RFWD3: variants seen among roughly 807,000 people sequenced by gnomAD.
RFWD3 encodes E3 ubiquitin-protein ligase RFWD3.
Under a neutral mutation model 87.7 loss-of-function variants are expected in RFWD3, and 65 were observed. The observed-to-expected ratio is 0.74, with a 90% CI of 0.61 to 0.91. The LOEUF (loss-of-function observed/expected upper bound fraction) is 0.91. Ranked by LOEUF, RFWD3 falls within the 40% of genes least tolerant of loss-of-function variation. RFWD3 has a pLI of 0.00. For synonymous variants in RFWD3, 433 were observed against 352.8 expected, an observed-to-expected ratio of 1.23 and a Z score of -2.55; for missense variants, 1,078 against 938.5, an observed-to-expected ratio of 1.15 and a Z score of -1.94.
At chr16:74,658,529 A>C (rs569331252) in intron 2 of RFWD3, among the ~76,000 whole-genome samples, 2 of 152,336 alleles carry the variant, frequency 1.3e-5, no homozygotes, top group African/African-American at 2.4e-5. Context: ...TGAGAAATTC[A>C]TCTCAAGAAA....
intron 4 of RFWD3, 38 bp downstream of exon 4, chr16:74,649,094 T>G (rs370237434): frequency 2.2e-6 from 3 of 1,379,870 alleles, no homozygotes; most frequent in Non-Finnish European, 3.0e-6. Flanking sequence ...AATAAATAAA[T>G]AAATAAATAG....
chr16:74,630,708 G>A, intron 10 of RFWD3, 73 bp downstream of exon 10: 1 of 1,359,310 alleles, frequency 7.4e-7, no homozygotes, highest in Non-Finnish European at 9.8e-7. Context: ...AACACCCACT[G>A]AAGAGACGAT....
chr16:74,637,122 T>TAA (rs759556308), intron 7 of RFWD3, among the ~76,000 whole-genome samples: 47,115 of 101,426 alleles, frequency 0.46, 11,039 homozygotes, highest in African/African-American at 0.62. Context: ...TAAAGTCCTT[T>TAA]AAAAAAAAAA....
chr16:74,632,928 A>T (rs1959145642), intron 8 of RFWD3, among the ~76,000 whole-genome samples: 1 of 152,046 alleles, frequency 6.6e-6, no homozygotes, highest in Non-Finnish European at 1.5e-5. Flanking sequence ...CAGCCTCCCA[A>T]AGTGCTGGGA....
Position 74,649,177 on chromosome 16 carries a change from C to T in RFWD3, c.747G>A (p.Glu249=). The stretch of plus-strand genomic sequence containing the variant: ...CTCCATCGATACATGTAACTTCTTG[C>T]TCTGCTGAGACACCTGCTAGTTGCT... ...LEEQLAGVSA[E]QEVTCIDGGK... The change falls in exon 4 of 13, where the codon GAG becomes GAA. Residue 249 remains glutamate, a synonymous_variant. Coordinates refer to ENST00000361070, the MANE Select transcript of RFWD3 (RefSeq NM_018124.4). The T allele has an allele frequency of 6.4e-7, 1 of 1,567,754 alleles. No homozygotes were observed. Among genetic ancestry groups the T allele is most frequent in the East Asian group, 2.4e-5 (1 of 41,632 alleles).
chr16:74,636,494 G>C lies in RFWD3; in HGVS notation c.1278C>G (p.Pro426=), dbSNP rs1244276467. The change falls in exon 8 of 13, where the codon CCC becomes CCG. Residue 426 remains proline, a synonymous_variant. Transcript: ENST00000361070. ...GSQAWVLSCS[P]SSQGQHKHKY... ...TGTGCTTGTGCTGGCCCTGGCTGGA[G>C]GGTGAGCAGCTCAGGACCCATGCTT... The C allele has an allele frequency of 3.1e-6, 5 of 1,614,106 alleles. No individual in the cohort carries two copies. The highest frequency in any genetic ancestry group is 4.2e-6 in the Non-Finnish European group (5 of 1,180,028).
chr16:74,630,440 A>G (rs1160920005), intron 10 of RFWD3, among the ~76,000 whole-genome samples: 2 of 152,232 alleles, frequency 1.3e-5, no homozygotes, highest in Non-Finnish European at 2.9e-5. Context: ...CAGATTTTAC[A>G]GATTAAGCTC....
intron 8 of RFWD3, 60 bp downstream of exon 8, chr16:74,636,286 A>G (rs1959195870): frequency 2.0e-6 from 3 of 1,477,640 alleles, no homozygotes; most frequent in Non-Finnish European, 2.8e-6. Context: ...CCAAAAGGCA[A>G]GGAAATAAAT....
Position 74,624,069 on chromosome 16 carries a change from C to A in RFWD3, c.2184G>T (p.Leu728=), listed in dbSNP as rs778101171. The change falls in exon 13 of 13, where the codon CTG becomes CTT. Residue 728 remains leucine, a splice_region_variant and synonymous_variant. Transcript: ENST00000361070. ...TGDEAANSAL[L]WDAASGSLLQ... ...GCAACGAGCCACTGGCAGCATCCCA[C>A]AGCTAAAGAACACAAGCAGAGGGAA... 2.5e-6 allele frequency: 4 copies of A among 1,613,722 alleles called. No individual in the cohort carries two copies. The South Asian group carries it at 4.4e-5, about 18-fold the overall frequency.
At chr16:74,657,231 G>T (rs986099882) in intron 2 of RFWD3, among the ~76,000 whole-genome samples, 10 of 152,168 alleles carry the variant, frequency 6.6e-5, no homozygotes, top group Admixed American at 3.3e-4. Context: ...ACAGGCAGAT[G>T]CTTTTCACAA....
chr16:74,636,722 T>C, intron 7 of RFWD3, 145 bp from the exon 8 acceptor site: 2 of 685,184 alleles, frequency 2.9e-6, no homozygotes, highest in Non-Finnish European at 4.7e-6. Context: ...GAGTTTTTGT[T>C]TTTTTTTTTA....
intron 6 of RFWD3, among the ~76,000 whole-genome samples, chr16:74,642,298 A>G (rs980696071): frequency 1.3e-5 from 2 of 151,740 alleles, no homozygotes; most frequent in Non-Finnish European, 2.9e-5. Context: ...AATTTTTTGT[A>G]TTTTTAGTAA....
At chr16:74,650,643 G>A (rs921571519) in intron 3 of RFWD3, among the ~76,000 whole-genome samples, 3 of 151,824 alleles carry the variant, frequency 2.0e-5, no homozygotes, top group Admixed American at 6.6e-5. Context: ...CTTTTCTATC[G>A]TTCCTGCTGC....
In RFWD3 at chr16:74,661,317, T is replaced by C. The variant is rs1250699099; in HGVS notation, c.133A>G (p.Ser45Gly). The C allele has an allele frequency of 3.1e-6, 5 of 1,613,916 alleles. No individual in the cohort carries two copies. Among genetic ancestry groups the C allele is most frequent in the Admixed American group, 1.7e-5 (1 of 59,980 alleles). ...LLQPVPADVV[S>G]SQGVPSILQP... Reference sequence around the variant, plus strand: ...AGGATGGATGGTACCCCCTGGCTGCTGACCACATCAGCAGGAACAGGCTGG... The same window carrying C: ...AGGATGGATGGTACCCCCTGGCTGCCGACCACATCAGCAGGAACAGGCTGG... Residue 45 changes from serine (S) to glycine (G), a missense_variant, in exon 2 of 13, where the codon AGC (serine) becomes GGC (glycine). Physicochemically the swap from Ser to Gly is moderately conservative, Grantham distance 56. Transcript: ENST00000361070.
rs922639505 is a variant in RFWD3 at position 74,622,147 on chromosome 16, C to T, written c.*1781G>A. On this transcript the variant is annotated 3_prime_UTR_variant, in exon 13 of 13. Transcript: ENST00000361070. ...AAGACAAAGCCAGCCAGGACCTGAC[C>T]ACCTGTATCCTCTTGGTGGCAATCT... The T allele has an allele frequency of 2.0e-5, 3 of 152,164 alleles. No homozygotes were observed. Among genetic ancestry groups the T allele is most frequent in the African/African-American group, 7.2e-5 (3 of 41,442 alleles). 9.4% of individuals were successfully genotyped at this position (152,164 alleles called of 1,614,324 possible). A position where few individuals can be genotyped will look rare whatever the true frequency, so the allele number is the denominator to read the frequency against.
chr16:74,641,538 T>A (rs1017091906), intron 6 of RFWD3, among the ~76,000 whole-genome samples: 2 of 152,104 alleles, frequency 1.3e-5, no homozygotes, highest in South Asian at 4.2e-4. Flanking sequence ...GTCCCATGTA[T>A]CAACTAGGAT....
At chr16:74,659,434 AAAC>A (rs1251934676) in intron 2 of RFWD3, among the ~76,000 whole-genome samples, 1 of 152,134 alleles carries the variant, frequency 6.6e-6, no homozygotes, top group African/African-American at 2.4e-5. Flanking sequence ...TGACATCTTA[AAAC>A]AACAGACTAT....
In RFWD3 at chr16:74,622,978, A is replaced by G. The variant is rs1297140956; in HGVS notation, c.*950T>C. Reference sequence around the variant, plus strand: ...GAGACAAGTTCTTCTCATGTTTTCAATAGCAGTCTGAATAGCTTTTGTAAA... The same window carrying G: ...GAGACAAGTTCTTCTCATGTTTTCAGTAGCAGTCTGAATAGCTTTTGTAAA... On this transcript the variant is annotated 3_prime_UTR_variant, in exon 13 of 13. Coordinates refer to ENST00000361070, the MANE Select transcript of RFWD3 (RefSeq NM_018124.4). 1 of 152,208 alleles carries G rather than the reference A, an allele frequency of 6.6e-6. No individual in the cohort carries two copies. Among genetic ancestry groups the G allele is most frequent in the African/African-American group, 2.4e-5 (1 of 41,460 alleles). The allele number at this position is 152,208 out of a possible 1,614,324, so 9.4% of individuals were successfully genotyped here.
intron 8 of RFWD3, among the ~76,000 whole-genome samples, chr16:74,634,227 G>A (rs1346859022): frequency 6.6e-6 from 1 of 152,098 alleles, no homozygotes; most frequent in Non-Finnish European, 1.5e-5. Flanking sequence ...TGTCACATCT[G>A]TCTGAAATGA....
Sources: allele counts gnomAD v4.1 joint callset (sites outside exome capture counted in the v4.1 genomes callset), GRCh38; gene constraint gnomAD v4.1.1; transcripts MANE v1.5; gene names NCBI Gene and HGNC (gene_info 2026-07-23, HGNC 2026-07-21).